The following KCNH5 variants were observed in gnomAD, a reference collection of about 807,000 sequenced individuals.
The protein encoded by KCNH5 is voltage-gated delayed rectifier potassium channel KCNH5.
A neutral mutation model predicts 96.1 loss-of-function variants in KCNH5; 46 were observed. The observed-to-expected ratio is 0.48, with a 90% CI of 0.38 to 0.61. The LOEUF (loss-of-function observed/expected upper bound fraction) is 0.61. Ranked by LOEUF, KCNH5 falls within the 20% of genes least tolerant of loss-of-function variation. KCNH5 has a pLI of 0.00. For missense variants in KCNH5, 907 were observed against 1,225.8 expected, an observed-to-expected ratio of 0.74 and a Z score of 3.88; for synonymous variants, 439 against 449.8, an observed-to-expected ratio of 0.98 and a Z score of 0.30.
At chr14:62,753,922 A>T (rs1885560565) in intron 10 of KCNH5, among the ~76,000 whole-genome samples, 1 of 152,212 alleles carries the variant, frequency 6.6e-6, no homozygotes, top group African/African-American at 2.4e-5. Context: ...TACTAGTAAT[A>T]GTAAGTACAC....
intron 8 of KCNH5, among the ~76,000 whole-genome samples, chr14:62,845,385 T>G (rs1219500841): frequency 8.5e-5 from 13 of 152,228 alleles, no homozygotes; most frequent in Non-Finnish European, 2.9e-5. Flanking sequence ...TTTAATCAAT[T>G]TAACTCATAA....
intron 6 of KCNH5, among the ~76,000 whole-genome samples, chr14:62,964,537 C>G (rs1307944557): frequency 2.6e-5 from 4 of 151,998 alleles, no homozygotes; most frequent in Non-Finnish European, 5.9e-5. Context: ...TTTCCCCCAC[C>G]AGAATATTAA....
chr14:62,879,435 C>A (rs138153180), intron 7 of KCNH5, among the ~76,000 whole-genome samples: 176 of 152,190 alleles, frequency 1.2e-3, no homozygotes, highest in African/African-American at 4.1e-3. Flanking sequence ...TTATCTGCCA[C>A]ATGTTAAGTA....
intron 10 of KCNH5, among the ~76,000 whole-genome samples, chr14:62,722,818 T>C (rs1014071128): frequency 3.3e-5 from 5 of 152,344 alleles, no homozygotes; most frequent in Admixed American, 1.3e-4. Flanking sequence ...CATTTGACAG[T>C]TGAGGCTCAG....
At chr14:62,844,139 G>A (rs753250655) in intron 8 of KCNH5, among the ~76,000 whole-genome samples, 2 of 151,584 alleles carry the variant, frequency 1.3e-5, no homozygotes, top group Non-Finnish European at 2.9e-5. Context: ...TCATATAATA[G>A]CATCTTCCTA....
intron 7 of KCNH5, among the ~76,000 whole-genome samples, chr14:62,850,163 A>G (rs1359744625): frequency 6.6e-6 from 1 of 152,196 alleles, no homozygotes; most frequent in Admixed American, 6.5e-5. Context: ...CAAAGTTATA[A>G]TTTAGCCTAA....
intron 1 of KCNH5, among the ~76,000 whole-genome samples, chr14:63,034,665 A>G (rs1160666839): frequency 6.6e-6 from 1 of 152,212 alleles, no homozygotes; most frequent in Admixed American, 6.5e-5. Context: ...AGATAAAAAT[A>G]TGCTTCCACT....
chr14:62,712,522 C>T, intron 10 of KCNH5: 1 of 649,026 alleles, frequency 1.5e-6, no homozygotes, highest in Non-Finnish European at 2.8e-6. Flanking sequence ...ACTGTGTGTC[C>T]AGGATGCAAA....
rs111404984 is a variant in KCNH5, at chr14:63,004,283, A to G, written c.304+2083T>C. Among the ~76,000 whole-genome samples, 302 of 152,336 alleles carry G rather than the reference A, an allele frequency of 2.0e-3. 3 individuals are homozygous for G. Among genetic ancestry groups the G allele is most frequent in the African/African-American group, 7.1e-3 (296 of 41,576 alleles). ...TGCATTTAAATAGCAAAACTCCATT[A>G]TAATACATGGATAACACCTATCCTT... On this transcript the variant is annotated intron_variant, in intron 3 of 10. Coordinates refer to ENST00000322893, the MANE Select transcript of KCNH5 (RefSeq NM_139318.5).
chr14:62,884,314 A>C (rs948563084), intron 7 of KCNH5, among the ~76,000 whole-genome samples: 3 of 152,204 alleles, frequency 2.0e-5, no homozygotes, highest in African/African-American at 7.2e-5. Flanking sequence ...AAATTACTAC[A>C]ACAATTAATT....
At chr14:62,842,399 T>G (rs1276723880) in intron 8 of KCNH5, among the ~76,000 whole-genome samples, 1 of 151,682 alleles carries the variant, frequency 6.6e-6, no homozygotes, top group Non-Finnish European at 1.5e-5. Context: ...AAGAAAAATG[T>G]CAATAATAAT....
At chr14:62,712,710 A>G in intron 10 of KCNH5, 1 of 779,066 alleles carries the variant, frequency 1.3e-6, no homozygotes, top group Non-Finnish European at 2.4e-6. Context: ...GCCATGGAGA[A>G]CCATCCCTGA....
intron 1 of KCNH5, among the ~76,000 whole-genome samples, chr14:63,027,035 A>G (rs753701456): frequency 1.2e-4 from 19 of 152,086 alleles, no homozygotes; most frequent in Non-Finnish European, 2.8e-4. Flanking sequence ...AGAAAGGAGC[A>G]TTGTCATTTG....
At chr14:62,872,072 C>T (rs555858377) in intron 7 of KCNH5, among the ~76,000 whole-genome samples, 10 of 152,302 alleles carry the variant, frequency 6.6e-5, no homozygotes, top group African/African-American at 1.9e-4. Context: ...CATATACAAG[C>T]TTCTTCCAGC....
intron 10 of KCNH5, among the ~76,000 whole-genome samples, chr14:62,710,511 G>A (rs967762291): frequency 2.6e-5 from 4 of 152,188 alleles, no homozygotes; most frequent in Non-Finnish European, 4.4e-5. Context: ...CAGGAACGCA[G>A]ATACTATTTT....
At chr14:62,915,951 C>CTT (rs1039693919) in intron 7 of KCNH5, among the ~76,000 whole-genome samples, 1 of 138,476 alleles carries the variant, frequency 7.2e-6, no homozygotes. Flanking sequence ...CTTTTTTTTT[C>CTT]TTTTTTTTCT....
intron 7 of KCNH5, among the ~76,000 whole-genome samples, chr14:62,948,078 T>C (rs1202192008): frequency 6.6e-6 from 1 of 151,582 alleles, no homozygotes; most frequent in Non-Finnish European, 1.5e-5. Context: ...ATATGCGGTG[T>C]TTGGTTTTTT....
At chr14:63,022,737 T>C (rs918016693) in intron 1 of KCNH5, among the ~76,000 whole-genome samples, 2 of 152,170 alleles carry the variant, frequency 1.3e-5, no homozygotes, top group African/African-American at 2.4e-5. Flanking sequence ...CTTTCCCTCC[T>C]CACCTTGTCA....
chr14:62,806,291 C>T (rs1886765234), intron 8 of KCNH5, among the ~76,000 whole-genome samples: 1 of 152,126 alleles, frequency 6.6e-6, no homozygotes, highest in African/African-American at 2.4e-5. Context: ...AGTAGCCATT[C>T]ATTTATTCCT....
Sources: gnomAD v4.1 joint callset for allele counts (sites outside exome capture counted in the v4.1 genomes callset) on GRCh38, gnomAD v4.1.1 for gene constraint, MANE v1.5 for transcripts, NCBI Gene and HGNC (gene_info 2026-07-23, HGNC 2026-07-21) for gene names.